The following CDYL2 variants were observed in gnomAD, a reference collection of about 807,000 sequenced individuals.
CDYL2 encodes the protein chromodomain Y like 2, also known as chromodomain Y-like protein 2.
In CDYL2, 23 loss-of-function variants were observed where a neutral mutation model predicts 49.4. The observed-to-expected ratio is 0.47, with a 90% CI of 0.34 to 0.66. The LOEUF is 0.66. Among genes scored for constraint, CDYL2 ranks in the 30% least tolerant of loss-of-function variants. CDYL2 has a pLI of 0.01. For missense variants in CDYL2, 678 were observed against 656.4 expected, an observed-to-expected ratio of 1.03 and a Z score of -0.36; for synonymous variants, 360 against 268.8, an observed-to-expected ratio of 1.34 and a Z score of -3.32.
chr16:80,652,453 G>T (rs1488006769), intron 2 of CDYL2, among the ~76,000 whole-genome samples: 1 of 152,150 alleles, frequency 6.6e-6, no homozygotes, highest in Admixed American at 6.5e-5. Flanking sequence ...ATAAATGATT[G>T]AATAAATAAA....
intron 1 of CDYL2, among the ~76,000 whole-genome samples, chr16:80,782,579 A>G (rs1342947069): frequency 6.6e-6 from 1 of 151,436 alleles, no homozygotes; most frequent in Non-Finnish European, 1.5e-5. Context: ...CTGACAATAT[A>G]GATGCAAAAA....
intron 1 of CDYL2, among the ~76,000 whole-genome samples, chr16:80,793,925 C>A (rs554976180): frequency 5.3e-4 from 81 of 152,228 alleles, no homozygotes; most frequent in Middle Eastern, 3.4e-3. Context: ...CAATTTCTTT[C>A]TGCATTTGGT....
intron 1 of CDYL2, among the ~76,000 whole-genome samples, chr16:80,719,242 C>G (rs1471218726): frequency 6.6e-6 from 1 of 152,008 alleles, no homozygotes; most frequent in East Asian, 1.9e-4. Context: ...CCCAGAGGTA[C>G]CTGTAAAACT....
Position 80,654,144 on chromosome 16 carries a change from C to T in CDYL2, c.617-20908G>A, listed in dbSNP as rs534585641. Among the ~76,000 whole-genome samples, 15 of 152,308 alleles carry T rather than the reference C, an allele frequency of 9.8e-5. No individual in the cohort carries two copies. The South Asian group carries it at 2.1e-3, about 21-fold the overall frequency. On this transcript the variant is annotated intron_variant, in intron 2 of 6. Transcript: ENST00000570137. ...TTTGGGGAAGAAGGGTGCAAGGAGA[C>T]GCAGACAGGCACTGACCATGTGCTC...
At chr16:80,690,643 C>T (rs541979926) in intron 1 of CDYL2, among the ~76,000 whole-genome samples, 3 of 152,292 alleles carry the variant, frequency 2.0e-5, no homozygotes, top group South Asian at 2.1e-4. Context: ...CACCTCTCAT[C>T]GTGCAGTGGG....
chr16:80,672,609 GGAAAA>G (rs1567564935), intron 2 of CDYL2, among the ~76,000 whole-genome samples: 20 of 141,060 alleles, frequency 1.4e-4, no homozygotes, highest in African/African-American at 2.6e-4. Context: ...GGAAAGGAAA[GGAAAA>G]GAAAGGAAAG....
chr16:80,640,909 T>C (rs185604542), intron 2 of CDYL2, among the ~76,000 whole-genome samples: 7 of 150,950 alleles, frequency 4.6e-5, no homozygotes, highest in Non-Finnish European at 1.0e-4. Flanking sequence ...TCAGAGGAAA[T>C]AAAAGAAAAA....
In CDYL2 at chr16:80,612,772, G is replaced by C; in HGVS notation, c.1072C>G (p.Leu358Val). The change falls in exon 5 of 7, where the codon CTG (leucine) becomes GTG (valine). Residue 358 changes from leucine (L) to valine (V), a missense_variant. Around this residue, in one of 3 missense-constraint regions of CDYL2, gnomAD observed 47 missense variants for 78.8 expected, o/e 0.60. Coordinates refer to ENST00000570137, the MANE Select transcript of CDYL2 (RefSeq NM_152342.4). This position sits in a 1 kb window ranked among gnomAD's most constrained non-coding sequence, Gnocchi z 5.0. The part of the protein sequence containing the change: ...PIVVAINGPA[L>V]GLGASILPLC... Reference sequence around the variant, plus strand: ...GGCAGGATGGAGGCACCCAGGCCCAGGGCCGGCCCATTGATGGCCACCACG... The same window carrying C: ...GGCAGGATGGAGGCACCCAGGCCCACGGCCGGCCCATTGATGGCCACCACG... 6.2e-7 allele frequency: 1 copy of C among 1,613,846 alleles called. No homozygotes were observed. Among genetic ancestry groups the C allele is most frequent in the Non-Finnish European group, 8.5e-7 (1 of 1,180,002 alleles).
intron 2 of CDYL2, among the ~76,000 whole-genome samples, chr16:80,661,306 G>T: frequency 1.4e-5 from 2 of 142,214 alleles, no homozygotes; most frequent in South Asian, 4.6e-4. Flanking sequence ...GATTATTATG[G>T]GCAGCTGGAG....
chr16:80,699,742 C>T (rs1026724199), intron 1 of CDYL2, among the ~76,000 whole-genome samples: 2 of 152,042 alleles, frequency 1.3e-5, no homozygotes, highest in African/African-American at 2.4e-5. Context: ...TTGATCATTA[C>T]ACATTATCTA....
intron 1 of CDYL2, among the ~76,000 whole-genome samples, chr16:80,776,523 A>T (rs1907088002): frequency 6.6e-6 from 1 of 151,580 alleles, no homozygotes; most frequent in Admixed American, 6.6e-5. Context: ...TGATAATGGA[A>T]TGTATAAATA....
Position 80,637,562 on chromosome 16 carries a change from A to G in CDYL2, c.617-4326T>C, listed in dbSNP as rs190027395. ...GAAAAACAATTACTCCTGAACTAAT[A>G]AGCAAATACTGTAAGGTCACAGAAT... On this transcript the variant is annotated intron_variant, in intron 2 of 6. Transcript: ENST00000570137. Among the ~76,000 whole-genome samples, 135 of 152,366 alleles carry G rather than the reference A, an allele frequency of 8.9e-4. 1 individual carries two copies. The highest frequency in any genetic ancestry group is 3.1e-3 in the African/African-American group (129 of 41,598).
At chr16:80,677,991 A>AC (rs2142463412) in intron 2 of CDYL2, among the ~76,000 whole-genome samples, 2 of 152,028 alleles carry the variant, frequency 1.3e-5, no homozygotes, top group South Asian at 4.1e-4. Context: ...GACAAACCTG[A>AC]GAAAAACAAG....
chr16:80,751,779 C>A (rs1344408404), intron 1 of CDYL2, among the ~76,000 whole-genome samples: 5 of 152,208 alleles, frequency 3.3e-5, no homozygotes. Flanking sequence ...TCAAGTCTTT[C>A]ACTTAGGAAG....
rs185791192 is a variant in CDYL2, at chr16:80,695,972, C to T, written c.25-10843G>A. Among the ~76,000 whole-genome samples, 396 of 152,304 alleles carry T rather than the reference C, an allele frequency of 2.6e-3. 1 individual carries two copies. The highest frequency in any genetic ancestry group is 9.1e-3 in the African/African-American group (380 of 41,570). ...ATATTCTTCTCATTAGCACATGAAG[C>T]ATTCTCCAGGATAGACCATACATCA... On this transcript the variant is annotated intron_variant, in intron 1 of 6. Transcript: ENST00000570137.
At chr16:80,762,681 TC>T (rs892978040) in intron 1 of CDYL2, among the ~76,000 whole-genome samples, 2 of 152,202 alleles carry the variant, frequency 1.3e-5, no homozygotes, top group African/African-American at 4.8e-5. Context: ...TTGGAGCTTG[TC>T]CAGTCTTTTG....
At chr16:80,786,918 G>T (rs866458319) in intron 1 of CDYL2, among the ~76,000 whole-genome samples, 3 of 151,996 alleles carry the variant, frequency 2.0e-5, no homozygotes, top group South Asian at 4.2e-4. Context: ...CAGGGCCTGT[G>T]GGGGGTGGGG....
intron 1 of CDYL2, among the ~76,000 whole-genome samples, chr16:80,799,018 T>C (rs1460282310): frequency 6.6e-6 from 1 of 151,698 alleles, no homozygotes; most frequent in Non-Finnish European, 1.5e-5. Context: ...ATTATCTATA[T>C]ATAGATATAT....
chr16:80,790,259 A>C (rs1187614485), intron 1 of CDYL2, among the ~76,000 whole-genome samples: 2 of 152,212 alleles, frequency 1.3e-5, no homozygotes, highest in Non-Finnish European at 2.9e-5. Flanking sequence ...CCAATACCAT[A>C]GACGTGGCTA....
Sources: gnomAD v4.1 joint callset for allele counts (sites outside exome capture counted in the v4.1 genomes callset) on GRCh38, gnomAD v4.1.1 for gene constraint, gnomAD v4.1.1 regional missense constraint, Gnocchi (gnomAD v3.1) non-coding constraint, MANE v1.5 for transcripts, NCBI Gene and HGNC (gene_info 2026-07-23, HGNC 2026-07-21) for gene names.